The following RBFOX3 variants were observed in gnomAD, a reference collection of about 807,000 sequenced individuals.
RBFOX3 encodes RNA binding fox-1 homolog 3, also known as RNA binding protein fox-1 homolog 3.
Under a neutral mutation model 48.7 loss-of-function variants are expected in RBFOX3, and 17 were observed. The observed-to-expected ratio is 0.35, with a 90% confidence interval of 0.24 to 0.52. RBFOX3 has a LOEUF of 0.52. RBFOX3 is among the 20% of genes least tolerant of loss of function. The pLI, the probability that RBFOX3 is intolerant of heterozygous loss-of-function variation, is 0.94. For synonymous variants in RBFOX3, 212 were observed against 209.5 expected (o/e 1.01, Z -0.10); for missense variants, 382 against 497.5 (o/e 0.77, Z 2.21).
At chr17:79,521,003 A>C (rs1480927279) in intron 1 of RBFOX3, among the ~76,000 whole-genome samples, 2 of 152,240 alleles carry the variant, frequency 1.3e-5, no homozygotes, top group Non-Finnish European at 2.9e-5. Context: ...AGCAGGGAGC[A>C]CACGGGTGAA....
intron 2 of RBFOX3, among the ~76,000 whole-genome samples, chr17:79,430,374 C>T (rs1262360312): frequency 7.2e-5 from 11 of 151,994 alleles, no homozygotes; most frequent in African/African-American, 1.4e-4. Context: ...TCAACACATC[C>T]GTAAATGGAA....
chr17:79,108,942 C>A (rs1425601033), intron 5 of RBFOX3, among the ~76,000 whole-genome samples: 1 of 152,266 alleles, frequency 6.6e-6, no homozygotes, highest in Non-Finnish European at 1.5e-5. Context: ...CCTGATGCAG[C>A]TCTGTCCCCT....
At chr17:79,327,616 C>T (rs1006430699) in intron 2 of RBFOX3, among the ~76,000 whole-genome samples, 1 of 152,232 alleles carries the variant, frequency 6.6e-6, no homozygotes, top group Non-Finnish European at 1.5e-5. Context: ...TCCTACCTGC[C>T]TCACCTGGGA....
chr17:79,147,627 A>C (rs1184337875), intron 4 of RBFOX3, among the ~76,000 whole-genome samples: 1 of 152,206 alleles, frequency 6.6e-6, no homozygotes, highest in African/African-American at 2.4e-5. Context: ...CAAAGCCCAA[A>C]GCAGGTAGTT....
chr17:79,377,338 TAC>T (rs1354783094), intron 2 of RBFOX3, among the ~76,000 whole-genome samples: 1 of 152,024 alleles, frequency 6.6e-6, no homozygotes, highest in African/African-American at 2.4e-5. Context: ...CAGGCACTCT[TAC>T]ACACAGACAT....
intron 3 of RBFOX3, among the ~76,000 whole-genome samples, chr17:79,303,051 T>G (rs1007247355): frequency 6.6e-6 from 1 of 151,980 alleles, no homozygotes; most frequent in African/African-American, 2.4e-5. Context: ...AAAAAAAGAT[T>G]TACAAAAATT....
At chr17:79,509,281 T>C (rs1269037494) in intron 1 of RBFOX3, among the ~76,000 whole-genome samples, 2 of 152,088 alleles carry the variant, frequency 1.3e-5, no homozygotes, top group Non-Finnish European at 2.9e-5. Flanking sequence ...CGTGGGTGGC[T>C]GTCTCTCTCT....
At chr17:79,433,675 A>ACCCAGCCCAGCCCAG (rs143941362) in intron 2 of RBFOX3, among the ~76,000 whole-genome samples, 1 of 151,748 alleles carries the variant, frequency 6.6e-6, no homozygotes, top group Admixed American at 6.6e-5. Context: ...CAGCTGCAGC[A>ACCCAGCCCAGCCCAG]CCCAGCCCAG....
intron 1 of RBFOX3, chr17:79,601,776 T>G (rs1219978584): frequency 6.6e-6 from 1 of 152,210 alleles, no homozygotes; most frequent in Non-Finnish European, 1.5e-5. Context: ...ATACTGATAC[T>G]GTTATCAGTG....
chr17:79,417,007 G>T (rs901525293), intron 2 of RBFOX3, among the ~76,000 whole-genome samples: 2 of 152,240 alleles, frequency 1.3e-5, no homozygotes, highest in Non-Finnish European at 2.9e-5. Context: ...TTGCAGCAGG[G>T]TTCGCATGGC....
At chr17:79,476,772 T>C (rs1365514306) in intron 2 of RBFOX3, among the ~76,000 whole-genome samples, 2 of 150,468 alleles carry the variant, frequency 1.3e-5, no homozygotes, top group Non-Finnish European at 3.0e-5. Context: ...GAAAAGAAAG[T>C]GCAGAAAAGC....
chr17:79,183,522 C>G (rs1319495116), intron 4 of RBFOX3: 1 of 152,024 alleles, frequency 6.6e-6, no homozygotes, highest in South Asian at 2.1e-4. Context: ...AGGGAGGCAT[C>G]GAAAGGAGAG....
At chr17:79,620,327 GC>G in the RBFOX3 span, among the ~76,000 whole-genome samples, 1 of 138,384 alleles carries the variant, frequency 7.2e-6, no homozygotes, top group Non-Finnish European at 1.5e-5. Flanking sequence ...GTACATACAC[GC>G]ACGCACACAG....
At chr17:79,439,566 T>G (rs2070373948) in intron 2 of RBFOX3, among the ~76,000 whole-genome samples, 1 of 152,218 alleles carries the variant, frequency 6.6e-6, no homozygotes. Context: ...TCACATACAT[T>G]TGCGTGAACA....
intron 4 of RBFOX3, among the ~76,000 whole-genome samples, chr17:79,218,971 C>T (rs976133389): frequency 6.6e-6 from 1 of 152,246 alleles, no homozygotes; most frequent in Non-Finnish European, 1.5e-5. Flanking sequence ...CCATCCGTCC[C>T]TTCTCCACGG....
chr17:79,389,159 G>A (rs2060994538), intron 2 of RBFOX3, among the ~76,000 whole-genome samples: 1 of 152,142 alleles, frequency 6.6e-6, no homozygotes, highest in South Asian at 2.1e-4. Context: ...TGAAGTTTGG[G>A]GTCCCCTTCC....
Position 79,243,107 on chromosome 17 carries a change from T to A in RBFOX3, c.-73-7302A>T, listed in dbSNP as rs982920013. 6.6e-6 allele frequency among the ~76,000 whole-genome samples: 1 copy of A among 152,174 alleles called. No individual in the cohort carries two copies. Among genetic ancestry groups the A allele is most frequent in the African/African-American group, 2.4e-5 (1 of 41,436 alleles). On this transcript the variant is annotated intron_variant, in intron 3 of 14. Coordinates refer to ENST00000693108, the MANE Select transcript of RBFOX3 (RefSeq NM_001350451.2). The surrounding 1 kb of genome is among the most constrained non-coding windows in gnomAD (Gnocchi z 7.9). ...CCACCCTAGGGGGCAGGTACTATGATCACTTCCAGTTTCCAAACATCAAAT... is the reference window on the plus strand; with the variant it reads ...CCACCCTAGGGGGCAGGTACTATGAACACTTCCAGTTTCCAAACATCAAAT...
intron 2 of RBFOX3, among the ~76,000 whole-genome samples, chr17:79,478,100 C>T (rs2078214360): frequency 6.6e-6 from 1 of 152,340 alleles, no homozygotes; most frequent in Non-Finnish European, 1.5e-5. Context: ...AAGCCCCACG[C>T]ACGTTCCCAC....
chr17:79,530,766 G>A (rs2087621527), intron 1 of RBFOX3, among the ~76,000 whole-genome samples: 7 of 152,206 alleles, frequency 4.6e-5, no homozygotes, highest in Admixed American at 4.6e-4. Flanking sequence ...CTGGGGAGGT[G>A]CCCACATGCC....
Sources: allele counts gnomAD v4.1 joint callset (sites outside exome capture counted in the v4.1 genomes callset), GRCh38; gene constraint gnomAD v4.1.1; non-coding constraint Gnocchi (gnomAD v3.1); transcripts MANE v1.5; gene names NCBI Gene and HGNC (gene_info 2026-07-23, HGNC 2026-07-21).